NEMP2: variants seen among roughly 807,000 people sequenced by gnomAD.
NEMP2 encodes the protein nuclear envelope integral membrane protein 2, also known as UPF0571 transmembrane protein.
A neutral mutation model predicts 54.2 loss-of-function variants in NEMP2; 53 were observed. The observed-to-expected ratio is 0.98, with a 90% CI of 0.78 to 1.23. The LOEUF is 1.23. Ranked by LOEUF, NEMP2 falls within the 50% of genes most tolerant of loss-of-function variation. NEMP2 has a pLI of 0.00. For synonymous variants in NEMP2, 197 were observed against 190.3 expected, an observed-to-expected ratio of 1.04 and a Z score of -0.29; for missense variants, 455 against 511.3, an observed-to-expected ratio of 0.89 and a Z score of 1.06.
chr2:190,474,991 A>T, the NEMP2 span, among the ~76,000 whole-genome samples: 1 of 152,350 alleles, frequency 6.6e-6, no homozygotes, highest in East Asian at 1.9e-4. Flanking sequence ...ATAGATGCAG[A>T]AAAGCCTTTG....
chr2:190,644,257 G>T, the NEMP2 span, among the ~76,000 whole-genome samples: 3 of 152,172 alleles, frequency 2.0e-5, no homozygotes, highest in Admixed American at 6.5e-5. This position sits in a 1 kb window ranked among gnomAD's most constrained non-coding sequence, Gnocchi z 4.4. Context: ...TCGAAGGACT[G>T]AAAGAATTGA....
At chr2:190,639,378 ACCT>A in the NEMP2 span, among the ~76,000 whole-genome samples, 2 of 103,036 alleles carry the variant, frequency 1.9e-5, no homozygotes, top group African/African-American at 6.8e-5. Context: ...GATTTTGTTG[ACCT>A]CCTGGTTTTT....
the NEMP2 span, chr2:190,497,688 A>G: frequency 1.2e-6 from 2 of 1,614,082 alleles, no homozygotes; most frequent in Non-Finnish European, 1.7e-6. The surrounding 1 kb of genome is among the most constrained non-coding windows in gnomAD (Gnocchi z 5.2). Context: ...CTCACAAGAG[A>G]CAACCGTGCT....
chr2:190,547,331 TAATA>T, the NEMP2 span, among the ~76,000 whole-genome samples: 1 of 152,230 alleles, frequency 6.6e-6, no homozygotes, highest in Non-Finnish European at 1.5e-5. The surrounding 1 kb of genome is among the most constrained non-coding windows in gnomAD (Gnocchi z 6.2). Flanking sequence ...TATGGTGACT[TAATA>T]AATGAGTTTT....
the NEMP2 span, among the ~76,000 whole-genome samples, chr2:190,627,024 G>C: frequency 1.3e-5 from 2 of 151,916 alleles, no homozygotes; most frequent in Non-Finnish European, 2.9e-5. The surrounding 1 kb of genome is among the most constrained non-coding windows in gnomAD (Gnocchi z 4.4). Flanking sequence ...TTTTGAAATG[G>C]ATTAACATCT....
At position 190,530,173 on chromosome 2, in the gene NEMP2, A is replaced by T. The variant is rs1259210839; in HGVS notation, c.97+4386T>A. 1.3e-5 allele frequency among the ~76,000 whole-genome samples: 2 copies of T among 152,216 alleles called. No individual in the cohort carries two copies. Among genetic ancestry groups the T allele is most frequent in the Non-Finnish European group, 2.9e-5 (2 of 68,036 alleles). Reference sequence around the variant, plus strand: ...TCTTCAACCAGATTAAGGACAGCATAGAAGGAAGGAGGTTGTCCTGACTGT... The same window carrying T: ...TCTTCAACCAGATTAAGGACAGCATTGAAGGAAGGAGGTTGTCCTGACTGT... On this transcript the variant is annotated intron_variant, in intron 1 of 8. Coordinates refer to ENST00000409150, the MANE Select transcript of NEMP2 (RefSeq NM_001142645.2). The surrounding 1 kb of genome is among the most constrained non-coding windows in gnomAD (Gnocchi z 4.6).
the NEMP2 span, among the ~76,000 whole-genome samples, chr2:190,495,106 G>T: frequency 6.6e-6 from 1 of 152,212 alleles, no homozygotes; most frequent in African/African-American, 2.4e-5. This position sits in a 1 kb window ranked among gnomAD's most constrained non-coding sequence, Gnocchi z 4.7. Context: ...AAACCCTAAA[G>T]ACTCCTCCTA....
chr2:190,569,108 G>T, the NEMP2 span, among the ~76,000 whole-genome samples: 3 of 152,334 alleles, frequency 2.0e-5, no homozygotes, highest in African/African-American at 7.2e-5. Flanking sequence ...ATTAGAACAT[G>T]CAGGTTGTAC....
At chr2:190,526,620 T>C (rs186390243) in intron 1 of NEMP2, among the ~76,000 whole-genome samples, 1 of 152,304 alleles carries the variant, frequency 6.6e-6, no homozygotes, top group East Asian at 1.9e-4. Context: ...TACAGATTCA[T>C]TTTATCAAGG....
At chr2:190,590,881 G>A in the NEMP2 span, among the ~76,000 whole-genome samples, 1 of 152,100 alleles carries the variant, frequency 6.6e-6, no homozygotes. The surrounding 1 kb of genome is among the most constrained non-coding windows in gnomAD (Gnocchi z 5.1). Flanking sequence ...TAGCTTGCAA[G>A]TAGGGTAAAA....
the NEMP2 span, chr2:190,497,406 G>GA: frequency 2.5e-6 from 4 of 1,599,446 alleles, no homozygotes; most frequent in African/African-American, 2.7e-5. This position sits in a 1 kb window ranked among gnomAD's most constrained non-coding sequence, Gnocchi z 5.2. Context: ...AGAAAATGCT[G>GA]AAAAAATAGT....
At chr2:190,541,736 T>C in the NEMP2 span, among the ~76,000 whole-genome samples, 9 of 152,220 alleles carry the variant, frequency 5.9e-5, no homozygotes, top group African/African-American at 2.4e-5. This position sits in a 1 kb window ranked among gnomAD's most constrained non-coding sequence, Gnocchi z 5.2. Context: ...ACCTCTCAGA[T>C]TGAAGAACTC....
the NEMP2 span, chr2:190,469,902 C>A: frequency 7.1e-7 from 1 of 1,417,988 alleles, no homozygotes; most frequent in Non-Finnish European, 9.9e-7. The surrounding 1 kb of genome is among the most constrained non-coding windows in gnomAD (Gnocchi z 5.3). Context: ...CTTCCCTGAG[C>A]TGTGGCTAAA....
chr2:190,641,305 T>A, the NEMP2 span: 4 of 152,304 alleles, frequency 2.6e-5, no homozygotes, highest in Admixed American at 6.5e-5. Context: ...CTCTCTTCCT[T>A]AACATGCTCT....
chr2:190,631,714 C>T, the NEMP2 span, among the ~76,000 whole-genome samples: 1 of 152,186 alleles, frequency 6.6e-6, no homozygotes, highest in Non-Finnish European at 1.5e-5. Context: ...CAAATCCTCA[C>T]TTACCCTATC....
the NEMP2 span, among the ~76,000 whole-genome samples, chr2:190,647,921 C>A: frequency 6.6e-6 from 1 of 152,086 alleles, no homozygotes; most frequent in African/African-American, 2.4e-5. Flanking sequence ...ACCACGTTAG[C>A]CAGGCTGGTG....
chr2:190,608,881 A>T, the NEMP2 span: 1 of 152,208 alleles, frequency 6.6e-6, no homozygotes, highest in Non-Finnish European at 1.5e-5. The surrounding 1 kb of genome is among the most constrained non-coding windows in gnomAD (Gnocchi z 4.9). Flanking sequence ...TATTAAAAAA[A>T]TTTTATCAGA....
chr2:190,500,966 T>C (rs1689995847), downstream of NEMP2: 1 of 152,210 alleles, frequency 6.6e-6, no homozygotes, highest in Non-Finnish European at 1.5e-5. This position sits in a 1 kb window ranked among gnomAD's most constrained non-coding sequence, Gnocchi z 5.3. Context: ...AAGCGATTAT[T>C]TCAAATCAAC....
the NEMP2 span, among the ~76,000 whole-genome samples, chr2:190,499,332 T>C: frequency 1.3e-5 from 2 of 152,246 alleles, no homozygotes; most frequent in African/African-American, 4.8e-5. The surrounding 1 kb of genome is among the most constrained non-coding windows in gnomAD (Gnocchi z 6.0). Context: ...TGATGGGTAC[T>C]AATTTGGGGG....
Sources: allele counts gnomAD v4.1 joint callset (sites outside exome capture counted in the v4.1 genomes callset), GRCh38; gene constraint gnomAD v4.1.1; non-coding constraint Gnocchi (gnomAD v3.1); transcripts MANE v1.5; gene names NCBI Gene and HGNC (gene_info 2026-07-23, HGNC 2026-07-21).